SLC26A7: variants seen among roughly 807,000 people sequenced by gnomAD.
SLC26A7 encodes the protein solute carrier family 26 member 7.
A neutral mutation model predicts 82.5 loss-of-function variants in SLC26A7; 59 were observed. That is an observed-to-expected ratio of 0.72 (90% CI 0.58 to 0.89). SLC26A7 has a LOEUF of 0.89. Among genes scored for constraint, SLC26A7 ranks in the 40% least tolerant of loss-of-function variants. The pLI is 0.00. For synonymous variants in SLC26A7, 271 were observed against 274.3 expected (o/e 0.99, Z 0.12); for missense variants, 820 against 793.0 (o/e 1.03, Z -0.41).
chr8:91,389,546 C>A, intron 16 of SLC26A7, 108 bp downstream of exon 16: 1 of 782,444 alleles, frequency 1.3e-6, no homozygotes, highest in Non-Finnish European at 2.2e-6. Context: ...CAATACTCAT[C>A]TCACCCCATT....
chr8:91,377,156 C>A (rs1382248630), intron 15 of SLC26A7, among the ~76,000 whole-genome samples: 3 of 152,128 alleles, frequency 2.0e-5, no homozygotes, highest in Non-Finnish European at 4.4e-5. Flanking sequence ...AGTGGTGGAG[C>A]TGCCATGAAA....
At chr8:91,274,642 T>A (rs1339180706) in intron 2 of SLC26A7, among the ~76,000 whole-genome samples, 1 of 152,216 alleles carries the variant, frequency 6.6e-6, no homozygotes, top group Non-Finnish European at 1.5e-5. Context: ...TTAATACTCT[T>A]ATACTGACAA....
chr8:91,236,735 A>G (rs183319869), intron 2 of SLC26A7, among the ~76,000 whole-genome samples: 91 of 152,320 alleles, frequency 6.0e-4, no homozygotes, highest in Non-Finnish European at 3.1e-4. Flanking sequence ...TATAGTTTAA[A>G]TGTGAGTGTC....
intron 15 of SLC26A7, among the ~76,000 whole-genome samples, chr8:91,378,362 T>C (rs1339712933): frequency 6.8e-6 from 1 of 147,164 alleles, no homozygotes; most frequent in Non-Finnish European, 1.5e-5. Context: ...TTATAATGTA[T>C]AATTATATAT....
At chr8:91,359,749 G>A (rs752225845) in intron 11 of SLC26A7, among the ~76,000 whole-genome samples, 6 of 152,170 alleles carry the variant, frequency 3.9e-5, no homozygotes, top group Non-Finnish European at 5.9e-5. Context: ...ATTGGGCACA[G>A]CATTCAAAGT....
At chr8:91,363,686 C>T (rs1010072260) in intron 13 of SLC26A7, 148 bp downstream of exon 13, 11 of 457,078 alleles carry the variant, frequency 2.4e-5, no homozygotes, top group Non-Finnish European at 4.3e-5. Context: ...CATATGTGAT[C>T]ACAATATATG....
chr8:91,249,601 AT>A lies in SLC26A7; in HGVS notation c.-43del. 11 of 1,430,590 alleles carry A rather than the reference AT, an allele frequency of 7.7e-6. No homozygotes were observed. The highest frequency in any genetic ancestry group is 4.9e-5 in the South Asian group (3 of 61,514). The allele number at this position is 1,430,590 out of a possible 1,614,324, so 88.6% of individuals were successfully genotyped here. A position where few individuals can be genotyped will look rare whatever the true frequency, so the allele number is the denominator to read the frequency against. Reference sequence around the variant, plus strand: ...CATTGAAAGGAGGTGTTCTGCAATGATTTTTTTTCTTGTTTAGAGAAGTTTA... The same window carrying A: ...CATTGAAAGGAGGTGTTCTGCAATGATTTTTTTCTTGTTTAGAGAAGTTTA... On this transcript the variant is annotated 5_prime_UTR_variant, in exon 2 of 19. The change abolishes the stop of an existing upstream ORF in the 5' untranslated region. Coordinates refer to ENST00000276609, the MANE Select transcript of SLC26A7 (RefSeq NM_052832.4).
chr8:91,217,117 T>C (rs1810064215), intron 1 of SLC26A7, among the ~76,000 whole-genome samples: 2 of 152,140 alleles, frequency 1.3e-5, no homozygotes, highest in African/African-American at 4.8e-5. Flanking sequence ...TGTGTGTGTG[T>C]ATGATTATTG....
At chr8:91,359,334 G>A (rs989555163) in intron 11 of SLC26A7, among the ~76,000 whole-genome samples, 10 of 152,158 alleles carry the variant, frequency 6.6e-5, no homozygotes, top group African/African-American at 2.2e-4. Flanking sequence ...CATAGTTTCC[G>A]ATTATAGTGT....
intron 3 of SLC26A7, among the ~76,000 whole-genome samples, chr8:91,291,132 T>C (rs1257005285): frequency 1.3e-5 from 2 of 152,176 alleles, no homozygotes; most frequent in Admixed American, 6.5e-5. Flanking sequence ...TATTAGGTAA[T>C]TTATTAAGAG....
chr8:91,340,374 A>G (rs906528820), intron 7 of SLC26A7, 30 bp from the exon 8 acceptor site: 9 of 1,601,998 alleles, frequency 5.6e-6, no homozygotes, highest in Non-Finnish European at 7.7e-6. Context: ...ATGAAGTTTG[A>G]TGACTTCAAT....
chr8:91,330,612 G>A (rs1813054774), intron 5 of SLC26A7, among the ~76,000 whole-genome samples: 1 of 152,058 alleles, frequency 6.6e-6, no homozygotes, highest in Non-Finnish European at 1.5e-5. Context: ...ATCCGCTGTG[G>A]ACAAATAGAA....
In SLC26A7 at chr8:91,397,749, T is replaced by C. The variant is rs1808613517; in HGVS notation, c.*2652T>C. 1 of 152,580 alleles carries C rather than the reference T, an allele frequency of 6.6e-6. No homozygotes were observed. Among genetic ancestry groups the C allele is most frequent in the African/African-American group, 2.4e-5 (1 of 41,446 alleles). The allele number at this position is 152,580 out of a possible 1,614,324, so 9.5% of individuals were successfully genotyped here. A position where few individuals can be genotyped will look rare whatever the true frequency, so the allele number is the denominator to read the frequency against. On this transcript the variant is annotated 3_prime_UTR_variant, in exon 19 of 19. Coordinates refer to ENST00000276609, the MANE Select transcript of SLC26A7 (RefSeq NM_052832.4). ...ATCTCTATTCTATAAATGTGTAATG[T>C]GATGAAGAAAGAGATCTTTCTTTTT...
intron 15 of SLC26A7, 148 bp downstream of exon 15, chr8:91,369,981 C>G: frequency 1.5e-6 from 1 of 658,074 alleles, no homozygotes; most frequent in Non-Finnish European, 2.6e-6. Flanking sequence ...TCCCTCTACT[C>G]TCCTCCTCCC....
rs560414434 is a variant in SLC26A7 at position 91,277,936 on chromosome 8, C to G, written c.194-11200C>G. ...CATTAGGGAGTGTAAACCAAGAGGGCAGGAGCTAGAGACTAGGAGGGAGAG... is the reference window on the plus strand; with the variant it reads ...CATTAGGGAGTGTAAACCAAGAGGGGAGGAGCTAGAGACTAGGAGGGAGAG... On this transcript the variant is annotated intron_variant, in intron 2 of 18. Coordinates refer to ENST00000276609, the MANE Select transcript of SLC26A7 (RefSeq NM_052832.4). Among the ~76,000 whole-genome samples, 82 of 152,182 alleles carry G rather than the reference C, an allele frequency of 5.4e-4. 4 individuals are homozygous for G. In the South Asian group the frequency reaches 0.017, roughly 31 times the overall value.
intron 1 of SLC26A7, among the ~76,000 whole-genome samples, chr8:91,211,168 G>A (rs912556374): frequency 1.3e-5 from 2 of 151,712 alleles, no homozygotes; most frequent in African/African-American, 4.8e-5. Flanking sequence ...AAAAGCCATG[G>A]GAGTGTCAGA....
chr8:91,248,675 CA>C (rs1364627869), upstream of SLC26A7, among the ~76,000 whole-genome samples: 2 of 151,976 alleles, frequency 1.3e-5, no homozygotes, highest in Non-Finnish European at 2.9e-5. Flanking sequence ...AAAAGTTATA[CA>C]AAAAGAAGGC....
intron 11 of SLC26A7, among the ~76,000 whole-genome samples, chr8:91,360,916 C>T (rs1419457685): frequency 6.6e-6 from 1 of 152,068 alleles, no homozygotes; most frequent in Admixed American, 6.6e-5. Context: ...CAGCATAATA[C>T]ACCAGGAAGA....
chr8:91,215,188 C>T (rs1586296088), intron 1 of SLC26A7, among the ~76,000 whole-genome samples: 1 of 152,174 alleles, frequency 6.6e-6, no homozygotes, highest in Middle Eastern at 3.4e-3. Flanking sequence ...CATGCATATT[C>T]ATGAATTTCA....
Sources: gnomAD v4.1 joint callset for allele counts (sites outside exome capture counted in the v4.1 genomes callset) on GRCh38, gnomAD v4.1.1 for gene constraint, MANE v1.5 for transcripts, NCBI Gene and HGNC (gene_info 2026-07-23, HGNC 2026-07-21) for gene names.